The following SIPA1L3 variants were observed in gnomAD, a reference collection of about 807,000 sequenced individuals.
SIPA1L3 encodes the protein signal induced proliferation associated 1 like 3.
In SIPA1L3, 59 loss-of-function variants were observed where a neutral mutation model predicts 150.1. The observed-to-expected ratio is 0.39, with a 90% CI of 0.32 to 0.49. The LOEUF is 0.49. SIPA1L3 is among the 20% of genes least tolerant of loss of function. The pLI is 0.86. For synonymous variants in SIPA1L3, 1,070 were observed against 1,077.6 expected, an observed-to-expected ratio of 0.99 and a Z score of 0.14; for missense variants, 2,211 against 2,489.5, an observed-to-expected ratio of 0.89 and a Z score of 2.38.
chr19:38,115,567 C>T (rs544059769), intron 8 of SIPA1L3, among the ~76,000 whole-genome samples: 2 of 152,128 alleles, frequency 1.3e-5, no homozygotes, highest in Admixed American at 6.5e-5. Flanking sequence ...GTGGCCTTGC[C>T]CCTGGTGACC....
chr19:38,110,519 A>G lies in SIPA1L3; in HGVS notation c.2291+135A>G, dbSNP rs1970715335. The stretch of plus-strand genomic sequence containing the variant: ...GAAGAGCTCGGCGTATACTCCCCAC[A>G]CCATCTCAGAGAGTGGTTTTTAGCC... On this transcript the variant is annotated intron_variant, in intron 8 of 21. Coordinates refer to ENST00000222345, the MANE Select transcript of SIPA1L3 (RefSeq NM_015073.3). 5.0e-6 allele frequency: 3 copies of G among 605,106 alleles called. No individual in the cohort carries two copies. In the Admixed American group the frequency reaches 8.7e-5, roughly 18 times the overall value. The allele number at this position is 605,106 out of a possible 1,614,324, so 37.5% of individuals were successfully genotyped here. A position where few individuals can be genotyped will look rare whatever the true frequency, so the allele number is the denominator to read the frequency against.
chr19:38,003,604 C>A (rs1175462279), intron 1 of SIPA1L3, among the ~76,000 whole-genome samples: 1 of 152,200 alleles, frequency 6.6e-6, no homozygotes, highest in Non-Finnish European at 1.5e-5. Flanking sequence ...ACAGACGTGG[C>A]AGGGTCCCTT....
intron 8 of SIPA1L3, among the ~76,000 whole-genome samples, chr19:38,116,075 T>A (rs1045296941): frequency 3.3e-5 from 5 of 152,194 alleles, no homozygotes; most frequent in African/African-American, 4.8e-5. Flanking sequence ...TCTATTTTTT[T>A]AAATTATCCT....
intron 6 of SIPA1L3, 27 bp from the exon 7 acceptor site, chr19:38,106,510 T>C (rs1359886726): frequency 8.7e-6 from 13 of 1,495,650 alleles, no homozygotes; most frequent in Non-Finnish European, 1.2e-5. Flanking sequence ...TTTGGAAACA[T>C]GGTCCTAACT....
chr19:37,942,358 G>C (rs1159413794), intron 1 of SIPA1L3, among the ~76,000 whole-genome samples: 3 of 151,826 alleles, frequency 2.0e-5, no homozygotes, highest in South Asian at 2.1e-4. Flanking sequence ...GGGGTCGTTG[G>C]GGGAGAGCCT....
chr19:38,143,956 G>C (rs1054736437), intron 12 of SIPA1L3, among the ~76,000 whole-genome samples: 1 of 152,062 alleles, frequency 6.6e-6, no homozygotes. Flanking sequence ...TGCGAGTCTC[G>C]TGCAGTGCCA....
chr19:37,916,953 CT>C (rs1190072241), intron 1 of SIPA1L3, among the ~76,000 whole-genome samples: 25 of 137,036 alleles, frequency 1.8e-4, no homozygotes, highest in African/African-American at 6.4e-4. Flanking sequence ...AGTGAGACTC[CT>C]TCTCAAAAAA....
At chr19:37,999,896 C>T (rs1008719101) in intron 1 of SIPA1L3, among the ~76,000 whole-genome samples, 2 of 152,120 alleles carry the variant, frequency 1.3e-5, no homozygotes, top group African/African-American at 4.8e-5. Flanking sequence ...CAGTGTGGAC[C>T]AGGGGAAAGA....
intron 16 of SIPA1L3, among the ~76,000 whole-genome samples, 182 bp from the exon 17 acceptor site, chr19:38,191,963 C>T (rs1394646639): frequency 6.6e-6 from 1 of 152,164 alleles, no homozygotes; most frequent in African/African-American, 2.4e-5. Context: ...GTGTGGTTCC[C>T]GGAAAACGTT....
intron 1 of SIPA1L3, among the ~76,000 whole-genome samples, chr19:38,003,288 C>T (rs1031157974): frequency 2.6e-5 from 4 of 152,188 alleles, no homozygotes; most frequent in South Asian, 2.1e-4. Context: ...ACACAAGAAC[C>T]GCAGAGCCAT....
At chr19:37,948,140 G>A (rs533901959) in intron 1 of SIPA1L3, among the ~76,000 whole-genome samples, 1 of 152,336 alleles carries the variant, frequency 6.6e-6, no homozygotes, top group South Asian at 2.1e-4. Context: ...CCAAACCAGG[G>A]AAGACGCTGA....
At chr19:37,913,908 G>A (rs1242744833) in intron 1 of SIPA1L3, among the ~76,000 whole-genome samples, 1 of 151,374 alleles carries the variant, frequency 6.6e-6, no homozygotes, top group Non-Finnish European at 1.5e-5. Flanking sequence ...CCAGTTACTC[G>A]GGAGGCTGAG....
intron 9 of SIPA1L3, among the ~76,000 whole-genome samples, chr19:38,127,885 G>T (rs1971212202): frequency 2.0e-5 from 3 of 151,910 alleles, no homozygotes; most frequent in African/African-American, 7.3e-5. Context: ...AGGTGGGGTA[G>T]CTTATAAGCA....
At chr19:37,912,990 C>T (rs974575194) in intron 1 of SIPA1L3, among the ~76,000 whole-genome samples, 1 of 152,120 alleles carries the variant, frequency 6.6e-6, no homozygotes, top group African/African-American at 2.4e-5. Context: ...GGTGGTGGAG[C>T]ATCAGTGGGA....
intron 2 of SIPA1L3, among the ~76,000 whole-genome samples, chr19:38,080,942 C>G (rs1441753855): frequency 6.6e-6 from 1 of 150,618 alleles, no homozygotes; most frequent in Non-Finnish European, 1.5e-5. Context: ...TGCACTCCAG[C>G]CTGGGTGACA....
intron 2 of SIPA1L3, among the ~76,000 whole-genome samples, chr19:38,067,387 CCT>C (rs1969620154): frequency 6.6e-6 from 1 of 152,170 alleles, no homozygotes; most frequent in Non-Finnish European, 1.5e-5. Flanking sequence ...ACGTGGCCTC[CCT>C]CTCTCCTGTG....
At chr19:38,080,889 G>A (rs574754774) in intron 2 of SIPA1L3, among the ~76,000 whole-genome samples, 3 of 151,682 alleles carry the variant, frequency 2.0e-5, no homozygotes, top group East Asian at 1.9e-4. Flanking sequence ...AGAATCATTC[G>A]AACCTTCGAG....
At chr19:37,990,508 G>T (rs1967476866) in intron 1 of SIPA1L3, among the ~76,000 whole-genome samples, 1 of 152,210 alleles carries the variant, frequency 6.6e-6, no homozygotes, top group Admixed American at 6.5e-5. Flanking sequence ...CTCTCTTCTG[G>T]CTGGGCATGG....
chr19:37,991,818 A>G (rs138513261), intron 1 of SIPA1L3, among the ~76,000 whole-genome samples: 145 of 152,180 alleles, frequency 9.5e-4, no homozygotes, highest in Admixed American at 2.0e-3. Context: ...GGTTTGGGGC[A>G]TTTGGAGTTG....
Sources: allele counts gnomAD v4.1 joint callset (sites outside exome capture counted in the v4.1 genomes callset), GRCh38; gene constraint gnomAD v4.1.1; transcripts MANE v1.5; gene names NCBI Gene and HGNC (gene_info 2026-07-23, HGNC 2026-07-21).